The following KAT14 variants were observed in gnomAD, a reference collection of about 807,000 sequenced individuals.
The protein encoded by KAT14 is cysteine-rich protein 2-binding protein.
Under a neutral mutation model 78.4 loss-of-function variants are expected in KAT14, and 66 were observed. The observed-to-expected ratio is 0.84, with a 90% CI of 0.69 to 1.03. The LOEUF (loss-of-function observed/expected upper bound fraction) is 1.03, where lower values mean the gene tolerates loss of function less well. Ranked by LOEUF, KAT14 falls within the 50% of genes least tolerant of loss-of-function variation. KAT14 has a pLI of 0.00. For missense variants in KAT14, 870 were observed against 972.5 expected, an observed-to-expected ratio of 0.89 and a Z score of 1.40; for synonymous variants, 344 against 359.4, an observed-to-expected ratio of 0.96 and a Z score of 0.48.
chr20:18,185,102 G>GTAGCTAC (rs2146544917), intron 10 of KAT14, among the ~76,000 whole-genome samples: 1 of 152,330 alleles, frequency 6.6e-6, no homozygotes, highest in East Asian at 1.9e-4. Flanking sequence ...CATATTAGTA[G>GTAGCTAC]TAGCTACTGC....
intron 7 of KAT14, among the ~76,000 whole-genome samples, chr20:18,179,903 C>G (rs1051508074): frequency 6.6e-6 from 1 of 151,988 alleles, no homozygotes; most frequent in Admixed American, 6.5e-5. Flanking sequence ...GAGTCTTGCT[C>G]TGTTGTCCAG....
intron 2 of KAT14, 168 bp downstream of exon 2, chr20:18,143,087 T>G: frequency 7.1e-7 from 1 of 1,402,618 alleles, no homozygotes; most frequent in South Asian, 1.6e-5. Flanking sequence ...ATGTTTGTAC[T>G]AATGAAACGT....
At chr20:18,178,618 A>G (rs2039131197) in intron 7 of KAT14, among the ~76,000 whole-genome samples, 2 of 152,186 alleles carry the variant, frequency 1.3e-5, no homozygotes, top group South Asian at 2.1e-4. Context: ...CACTACCATG[A>G]GAACAGTATG....
intron 1 of KAT14, 172 bp downstream of exon 1, chr20:18,138,223 C>A: frequency 7.9e-7 from 1 of 1,259,244 alleles, no homozygotes; most frequent in Non-Finnish European, 1.0e-6. Context: ...CTCTGCTGGG[C>A]TCCGGGCGCT....
chr20:18,179,174 C>T (rs1271023347), intron 7 of KAT14, among the ~76,000 whole-genome samples: 2 of 152,196 alleles, frequency 1.3e-5, no homozygotes, highest in Non-Finnish European at 2.9e-5. Flanking sequence ...GGGTATAGCC[C>T]CCCTCCTGGC....
At chr20:18,156,519 G>A (rs1020976800) in intron 4 of KAT14, among the ~76,000 whole-genome samples, 1 of 152,148 alleles carries the variant, frequency 6.6e-6, no homozygotes, top group Admixed American at 6.6e-5. Flanking sequence ...GTGTTGTGCT[G>A]TGATTTAGCT....
At chr20:18,184,559 C>T in intron 9 of KAT14, 43 bp from the exon 10 acceptor site, 1 of 1,512,874 alleles carries the variant, frequency 6.6e-7, no homozygotes, top group Admixed American at 2.2e-5. Flanking sequence ...CCTTAATTCT[C>T]AAAGGCATGT....
At chr20:18,174,524 T>C (rs2038964429) in intron 7 of KAT14, among the ~76,000 whole-genome samples, 1 of 152,198 alleles carries the variant, frequency 6.6e-6, no homozygotes, top group African/African-American at 2.4e-5. Flanking sequence ...GAGTATGAAG[T>C]GTAGTATCTC....
chr20:18,178,638 G>A (rs181853801), intron 7 of KAT14, among the ~76,000 whole-genome samples: 42 of 152,052 alleles, frequency 2.8e-4, no homozygotes, highest in Non-Finnish European at 2.9e-5. Flanking sequence ...GGTGGAAACC[G>A]CCCCCGTGAT....
At chr20:18,151,035 AT>A in intron 4 of KAT14, 93 bp downstream of exon 4, 1 of 1,487,402 alleles carries the variant, frequency 6.7e-7, no homozygotes, top group Non-Finnish European at 9.1e-7. Flanking sequence ...CTTGTTAGAG[AT>A]TTATTTTAAT....
In KAT14 at chr20:18,187,742, G is replaced by T; in HGVS notation, c.*283G>T. ...TGATTCTCCCTCCACCTGACAGTTT[G>T]TAAGAGTGAAAGAGCATCTAACCTG... is the stretch of plus-strand genomic sequence containing the variant. On this transcript the variant is annotated 3_prime_UTR_variant, in exon 11 of 11. Transcript: ENST00000688188. The T allele has an allele frequency of 4.7e-6, 2 of 421,638 alleles. No homozygotes were observed. The allele number at this position is 421,638 out of a possible 1,614,324, so 26.1% of individuals were successfully genotyped here. A position where few individuals can be genotyped will look rare whatever the true frequency, so the allele number is the denominator to read the frequency against.
chr20:18,138,092 G>T, intron 1 of KAT14, 41 bp downstream of exon 1: 2 of 1,438,420 alleles, frequency 1.4e-6, no homozygotes, highest in South Asian at 1.4e-5. Flanking sequence ...CCGCGCGCGC[G>T]GCGTCGACCT....
chr20:18,145,454 G>C, intron 3 of KAT14, 103 bp downstream of exon 3: 1 of 1,493,220 alleles, frequency 6.7e-7, no homozygotes, highest in Non-Finnish European at 9.1e-7. Context: ...GTTGTTTGGA[G>C]GGGCACTTTT....
intron 3 of KAT14, among the ~76,000 whole-genome samples, chr20:18,148,879 G>T (rs900908939): frequency 6.6e-6 from 1 of 152,086 alleles, no homozygotes; most frequent in African/African-American, 2.4e-5. Context: ...CAAAGTGCTG[G>T]GATTACAGGC....
chr20:18,160,223 A>G (rs2038369148), intron 5 of KAT14, among the ~76,000 whole-genome samples: 1 of 152,186 alleles, frequency 6.6e-6, no homozygotes, highest in African/African-American at 2.4e-5. Context: ...AATTTTAAAA[A>G]TATGATTGGG....
chr20:18,159,379 A>T, intron 5 of KAT14, 114 bp downstream of exon 5: 5 of 1,175,476 alleles, frequency 4.3e-6, no homozygotes, highest in Non-Finnish European at 5.8e-6. Context: ...CTCTGGAGCT[A>T]CTCTGTTTAA....
chr20:18,140,825 AAAAAAAAAAAACCAATAAAACAAAAC>A lies in KAT14; in HGVS notation c.-453-1374_-453-1349del, dbSNP rs2037513129. Among the ~76,000 whole-genome samples, 4 of 149,628 alleles carry A rather than the reference AAAAAAAAAAAACCAATAAAACAAAAC, an allele frequency of 2.7e-5. No individual in the cohort carries two copies. The South Asian group carries it at 8.4e-4, about 32-fold the overall frequency. ...CAGAACGAGACTCCTTCTCAAAAAA[AAAAAAAAAAAACCAATAAAACAAAAC>A]AAAAAAAACCCTATTTATTTATTTT... On this transcript the variant is annotated intron_variant, in intron 1 of 10. Coordinates refer to ENST00000688188, the MANE Select transcript of KAT14 (RefSeq NM_001392073.1).
chr20:18,142,857 T>C lies in KAT14; in HGVS notation c.197T>C (p.Val66Ala). 1 of 1,614,122 alleles carries C rather than the reference T, an allele frequency of 6.2e-7. No homozygotes were observed. Residue 66 changes from valine (V) to alanine (A), a missense_variant, in exon 2 of 11, where the codon GTG (valine) becomes GCG (alanine). Physicochemically the swap from Val to Ala is moderately conservative, Grantham distance 64. Transcript: ENST00000688188. ...GDSLNSDEGD[V>A]SWMEEQLSYF... is the part of the protein sequence containing the mutation. ...TCCCTCAACAGTGATGAAGGAGACGTGTCTTGGATGGAGGAGCAGCTGTCC... is the reference window on the plus strand; with the variant it reads ...TCCCTCAACAGTGATGAAGGAGACGCGTCTTGGATGGAGGAGCAGCTGTCC...
chr20:18,164,769 A>G (rs948870781), intron 7 of KAT14, among the ~76,000 whole-genome samples: 18 of 151,526 alleles, frequency 1.2e-4, no homozygotes, highest in Non-Finnish European at 2.5e-4. Context: ...GGCACACACT[A>G]CCACACTCAG....
Sources: allele counts gnomAD v4.1 joint callset (sites outside exome capture counted in the v4.1 genomes callset), GRCh38; gene constraint gnomAD v4.1.1; transcripts MANE v1.5; gene names NCBI Gene and HGNC (gene_info 2026-07-23, HGNC 2026-07-21).